Variants in KANK1 observed in about 807,000 individuals in gnomAD.
KANK1 encodes KN motif and ankyrin repeat domain-containing protein 1.
In KANK1, 109 loss-of-function variants were observed where a neutral mutation model predicts 106.2. That is an observed-to-expected ratio of 1.03 (90% confidence interval 0.88 to 1.20). The LOEUF (loss-of-function observed/expected upper bound fraction) is 1.20. Ranked by LOEUF, KANK1 falls within the 50% of genes most tolerant of loss-of-function variation. The probability of loss-of-function intolerance (pLI) is 0.00; values close to 1 mark genes in which losing one functional copy is unlikely to be tolerated. For synonymous variants in KANK1, 873 were observed against 652.2 expected (o/e 1.34, Z -5.16); for missense variants, 2,399 against 1,710.7 (o/e 1.40, Z -7.10).
chr9:559,621 C>T (rs1011873278), intron 1 of KANK1, among the ~76,000 whole-genome samples: 1 of 152,312 alleles, frequency 6.6e-6, no homozygotes, highest in Non-Finnish European at 1.5e-5. Flanking sequence ...TTGTAGACTT[C>T]TGTTGACAAT....
chr9:545,862 C>T (rs528716114), intron 1 of KANK1, among the ~76,000 whole-genome samples: 1 of 151,832 alleles, frequency 6.6e-6, no homozygotes, highest in Non-Finnish European at 1.5e-5. Flanking sequence ...TCTTCTGCCT[C>T]AGCCTCCCAA....
Position 514,119 on chromosome 9 carries a change from CCT to C in KANK1, c.-84+9375_-84+9376del, listed in dbSNP as rs1267673532. On this transcript the variant is annotated intron_variant, in intron 1 of 11. Transcript: ENST00000382297. ...CTCTTACTCCCTCCCTCTCTTCCTC[CCT>C]CTCTCTCTCCCTCCCTCCCTCCCTT... 3.3e-3 allele frequency among the ~76,000 whole-genome samples: 396 copies of C among 118,960 alleles called. 8 individuals are homozygous for C. Among genetic ancestry groups the C allele is most frequent in the South Asian group, 5.9e-3 (21 of 3,560 alleles). 78.0% of individuals were successfully genotyped at this position (118,960 alleles called of 152,430 possible).
At chr9:483,416 A>C (rs1254486925) in intron 3 of KANK1, among the ~76,000 whole-genome samples, 1 of 152,234 alleles carries the variant, frequency 6.6e-6, no homozygotes, top group East Asian at 1.9e-4. Flanking sequence ...GGAGCTTCCC[A>C]GATGATCCTA....
intron 10 of KANK1, among the ~76,000 whole-genome samples, chr9:743,811 G>A (rs1428609863): frequency 1.3e-5 from 2 of 152,200 alleles, no homozygotes; most frequent in Non-Finnish European, 2.9e-5. Context: ...ACCGTGATCT[G>A]TGATCGTGCC....
chr9:549,334 G>C (rs961040839), intron 1 of KANK1: 1 of 152,394 alleles, frequency 6.6e-6, no homozygotes, highest in Non-Finnish European at 1.5e-5. Context: ...CTTTGGGAAA[G>C]AGTCAACAAT....
chr9:609,454 C>G (rs903279260), intron 1 of KANK1, among the ~76,000 whole-genome samples: 19 of 152,126 alleles, frequency 1.2e-4, no homozygotes, highest in Non-Finnish European at 2.1e-4. Context: ...ATGGTGAAAC[C>G]CCATCTCTAC....
intron 3 of KANK1, among the ~76,000 whole-genome samples, chr9:715,757 T>C (rs955755819): frequency 6.6e-6 from 1 of 152,248 alleles, no homozygotes; most frequent in Non-Finnish European, 1.5e-5. Context: ...ATTTCTGTAA[T>C]GCACATCATA....
chr9:515,088 A>C (rs1332427206), intron 1 of KANK1, among the ~76,000 whole-genome samples: 2 of 151,818 alleles, frequency 1.3e-5, no homozygotes, highest in Non-Finnish European at 2.9e-5. Flanking sequence ...TCACGCCTGT[A>C]ATCCCAGCAC....
intron 3 of KANK1, among the ~76,000 whole-genome samples, chr9:489,492 C>T (rs547085828): frequency 2.6e-5 from 4 of 152,262 alleles, no homozygotes; most frequent in African/African-American, 9.6e-5. Flanking sequence ...TAAACATAAC[C>T]AGATAAGACT....
At chr9:475,907 T>A (rs1162534733) in intron 3 of KANK1, among the ~76,000 whole-genome samples, 3 of 151,924 alleles carry the variant, frequency 2.0e-5, no homozygotes, top group African/African-American at 7.3e-5. Context: ...GGCTGGAGTG[T>A]AGCGTCGCCA....
intron 1 of KANK1, among the ~76,000 whole-genome samples, chr9:596,994 C>T (rs1485153828): frequency 6.6e-6 from 1 of 151,886 alleles, no homozygotes; most frequent in Non-Finnish European, 1.5e-5. Flanking sequence ...TAAATGTTCT[C>T]ATACAATATG....
At position 526,219 on chromosome 9, in the gene KANK1, A is replaced by T. The variant is rs555015282; in HGVS notation, c.-84+21465A>T. On this transcript the variant is annotated intron_variant, in intron 1 of 11. Transcript: ENST00000382297. ...GTGATCCTGGTGCTGTCTCTCAGGC[A>T]TTTCTCCCAGAGAACGGGACGGCAG... Among the ~76,000 whole-genome samples the T allele has an allele frequency of 5.9e-5, 9 of 151,862 alleles. No homozygotes were observed. In the East Asian group the frequency reaches 1.5e-3, roughly 26 times the overall value.
At chr9:733,099 C>A (rs1463952875) in intron 6 of KANK1, 1 of 153,084 alleles carries the variant, frequency 6.5e-6, no homozygotes, top group African/African-American at 2.4e-5. Flanking sequence ...TATTTTGTTA[C>A]ACATTGAATG....
chr9:676,314 A>T (rs62531171), intron 1 of KANK1, among the ~76,000 whole-genome samples: 18,237 of 152,218 alleles, frequency 0.12, 1,477 homozygotes, highest in Non-Finnish European at 0.16. Flanking sequence ...CCAACGGCAC[A>T]GTGGGAGATA....
At chr9:742,153 C>T in intron 9 of KANK1, 52 bp from the exon 10 acceptor site, 2 of 1,517,688 alleles carry the variant, frequency 1.3e-6, no homozygotes, top group East Asian at 2.3e-5. Context: ...CTAGAGGCCA[C>T]CACTGCCAGC....
chr9:590,046 T>C (rs1015901910), intron 1 of KANK1, among the ~76,000 whole-genome samples: 1 of 152,164 alleles, frequency 6.6e-6, no homozygotes, highest in Non-Finnish European at 1.5e-5. Context: ...AAACATTTCT[T>C]AATTGCTTGA....
At chr9:735,766 G>A (rs1417200902) in intron 7 of KANK1, 3 of 434,170 alleles carry the variant, frequency 6.9e-6, no homozygotes, top group African/African-American at 6.0e-5. Context: ...GGCCGATGCA[G>A]GTGGATCACA....
intron 1 of KANK1, among the ~76,000 whole-genome samples, chr9:532,333 A>T (rs1427071608): frequency 8.0e-6 from 1 of 124,574 alleles, no homozygotes; most frequent in African/African-American, 3.1e-5. Context: ...CCTCTGTCTC[A>T]CTGGTTCAAG....
intron 1 of KANK1, among the ~76,000 whole-genome samples, chr9:630,712 G>A (rs1285254315): frequency 1.3e-5 from 2 of 151,930 alleles, no homozygotes; most frequent in Non-Finnish European, 2.9e-5. Context: ...GACCAGCCTG[G>A]CCAACATGGT....
Sources: allele counts gnomAD v4.1 joint callset (sites outside exome capture counted in the v4.1 genomes callset), GRCh38; gene constraint gnomAD v4.1.1; transcripts MANE v1.5; gene names NCBI Gene and HGNC (gene_info 2026-07-23, HGNC 2026-07-21).